The following SLC8A1 variants were observed in gnomAD, a reference collection of about 807,000 sequenced individuals.
SLC8A1 encodes the protein sodium/calcium exchanger 1.
Under a neutral mutation model 68.3 loss-of-function variants are expected in SLC8A1, and 18 were observed. The ratio of observed to expected loss-of-function variants is 0.26; its 90% CI spans 0.18 to 0.39. SLC8A1 has a LOEUF of 0.39. Among genes scored for constraint, SLC8A1 ranks in the 10% least tolerant of loss-of-function variants. SLC8A1 has a pLI of 1.00. For synonymous variants in SLC8A1, 475 were observed against 415.5 expected (o/e 1.14, Z -1.74); for missense variants, 985 against 1,156.7 (o/e 0.85, Z 2.15).
At chr2:40,178,677 A>G (rs2048914010) in intron 2 of SLC8A1, among the ~76,000 whole-genome samples, 184 bp from the exon 3 acceptor site, 1 of 152,230 alleles carries the variant, frequency 6.6e-6, no homozygotes, top group Non-Finnish European at 1.5e-5. Flanking sequence ...CAGAGATTTC[A>G]CCCAATGCAT....
intron 2 of SLC8A1, among the ~76,000 whole-genome samples, chr2:40,249,343 A>C (rs1481224562): frequency 2.0e-5 from 3 of 152,248 alleles, no homozygotes; most frequent in Admixed American, 6.5e-5. Flanking sequence ...CAGTGGTTGC[A>C]AAACTTTTAA....
At chr2:40,223,404 A>T (rs1328788890) in intron 2 of SLC8A1, among the ~76,000 whole-genome samples, 1 of 152,116 alleles carries the variant, frequency 6.6e-6, no homozygotes, top group African/African-American at 2.4e-5. Flanking sequence ...AGTAGGAGGC[A>T]TACCTAATGC....
At chr2:40,452,435 G>A (rs1702676467), upstream of SLC8A1, among the ~76,000 whole-genome samples, 1 of 152,154 alleles carries the variant, frequency 6.6e-6, no homozygotes, top group East Asian at 1.9e-4. Context: ...TTGTGGCCGC[G>A]CGCTAGCGCT....
intron 2 of SLC8A1, among the ~76,000 whole-genome samples, chr2:40,298,815 A>C (rs1414778976): frequency 6.6e-6 from 1 of 152,210 alleles, no homozygotes; most frequent in African/African-American, 2.4e-5. Flanking sequence ...AATAAAATAG[A>C]TGTTCCTTGA....
At chr2:40,144,889 A>G (rs2042171478) in intron 6 of SLC8A1, among the ~76,000 whole-genome samples, 1 of 152,216 alleles carries the variant, frequency 6.6e-6, no homozygotes, top group African/African-American at 2.4e-5. Context: ...AGGCAAATTA[A>G]CATCTATCAT....
chr2:40,324,930 G>T (rs2149352887), intron 2 of SLC8A1, among the ~76,000 whole-genome samples: 1 of 152,246 alleles, frequency 6.6e-6, no homozygotes, highest in African/African-American at 2.4e-5. Flanking sequence ...TGACTGCAAA[G>T]ATGATGTGGC....
intron 2 of SLC8A1, among the ~76,000 whole-genome samples, chr2:40,274,173 C>A (rs1392912526): frequency 6.7e-6 from 1 of 149,450 alleles, no homozygotes; most frequent in African/African-American, 2.5e-5. Flanking sequence ...AGACTGGGCA[C>A]TGTTGCTTTC....
At chr2:40,469,576 A>G (rs1248579886) in intron 1 of SLC8A1, among the ~76,000 whole-genome samples, 2 of 151,100 alleles carry the variant, frequency 1.3e-5, no homozygotes, top group African/African-American at 4.9e-5. Flanking sequence ...TATAAATACC[A>G]CTCCCTCATC....
intron 1 of SLC8A1, among the ~76,000 whole-genome samples, chr2:40,490,562 A>G (rs1445264312): frequency 1.3e-5 from 2 of 152,146 alleles, no homozygotes; most frequent in African/African-American, 2.4e-5. Flanking sequence ...AATCTTATAT[A>G]CATTTAAAAT....
At chr2:40,354,110 T>G (rs972522402) in intron 2 of SLC8A1, among the ~76,000 whole-genome samples, 1 of 152,168 alleles carries the variant, frequency 6.6e-6, no homozygotes, top group Non-Finnish European at 1.5e-5. Context: ...AGGTTAAATA[T>G]TTTCAGATCT....
intron 2 of SLC8A1, among the ~76,000 whole-genome samples, chr2:40,362,998 A>G (rs1675049713): frequency 6.6e-6 from 1 of 152,080 alleles, no homozygotes. Flanking sequence ...AGTCCCTAGT[A>G]TGACCATAAC....
At chr2:40,440,557 C>G (rs569077479) in intron 1 of SLC8A1, among the ~76,000 whole-genome samples, 1 of 152,024 alleles carries the variant, frequency 6.6e-6, no homozygotes, top group Non-Finnish European at 1.5e-5. Flanking sequence ...GATAGACAGA[C>G]GTAATCTCTC....
chr2:40,385,838 G>C (rs1232078418), intron 2 of SLC8A1, among the ~76,000 whole-genome samples: 1 of 151,152 alleles, frequency 6.6e-6, no homozygotes, highest in Non-Finnish European at 1.5e-5. Flanking sequence ...AATAGTCCTG[G>C]AAATTATAAA....
At chr2:40,157,410 C>G (rs2044752447) in intron 6 of SLC8A1, among the ~76,000 whole-genome samples, 1 of 152,096 alleles carries the variant, frequency 6.6e-6, no homozygotes, top group Admixed American at 6.6e-5. Flanking sequence ...GACACAAACC[C>G]ACACCTGTCT....
chr2:40,423,321 T>C (rs1455931848), intron 2 of SLC8A1, among the ~76,000 whole-genome samples: 1 of 152,090 alleles, frequency 6.6e-6, no homozygotes, highest in Non-Finnish European at 1.5e-5. Context: ...AGGCTTCCTA[T>C]AGTTTACAAA....
chr2:40,461,102 T>TA (rs1238933280), intron 1 of SLC8A1, among the ~76,000 whole-genome samples: 1 of 152,168 alleles, frequency 6.6e-6, no homozygotes, highest in African/African-American at 2.4e-5. Flanking sequence ...CTTAATCTTT[T>TA]AAAAAAGTAC....
At chr2:40,353,562 A>G (rs563782951) in intron 2 of SLC8A1, among the ~76,000 whole-genome samples, 1 of 152,316 alleles carries the variant, frequency 6.6e-6, no homozygotes, top group East Asian at 1.9e-4. Flanking sequence ...TGGAAAAAAA[A>G]AATGATCTGA....
At chr2:40,481,986 C>T (rs1385956805) in intron 1 of SLC8A1, among the ~76,000 whole-genome samples, 1 of 152,114 alleles carries the variant, frequency 6.6e-6, no homozygotes, top group African/African-American at 2.4e-5. Flanking sequence ...ATTTGAGAGG[C>T]TTGATAAAAA....
At chr2:40,155,960 A>G (rs1272882665) in intron 6 of SLC8A1, among the ~76,000 whole-genome samples, 2 of 152,198 alleles carry the variant, frequency 1.3e-5, no homozygotes, top group South Asian at 2.1e-4. Context: ...CCGAGATCCA[A>G]TTATGTAACA....
Sources: allele counts gnomAD v4.1 joint callset (sites outside exome capture counted in the v4.1 genomes callset), GRCh38; gene constraint gnomAD v4.1.1; transcripts MANE v1.5; gene names NCBI Gene and HGNC (gene_info 2026-07-23, HGNC 2026-07-21).